PRR16: variants seen among roughly 807,000 people sequenced by gnomAD.
The protein encoded by PRR16 is protein Largen.
Under a neutral mutation model 18.2 loss-of-function variants are expected in PRR16, and 6 were observed. That is an observed-to-expected ratio of 0.33 (90% CI 0.18 to 0.65). PRR16 has a LOEUF of 0.65. PRR16 is among the 30% of genes least tolerant of loss of function. The probability of loss-of-function intolerance (pLI) is 0.74; values close to 1 mark genes in which losing one functional copy is unlikely to be tolerated. For synonymous variants in PRR16, 151 were observed against 147.8 expected (o/e 1.02, Z -0.16); for missense variants, 412 against 376.6 (o/e 1.09, Z -0.78).
downstream of PRR16, among the ~76,000 whole-genome samples, chr5:120,691,009 C>CTTATTGCTTATAATTTA (rs1757202853): frequency 6.6e-6 from 1 of 152,142 alleles, no homozygotes; most frequent in Non-Finnish European, 1.5e-5. Flanking sequence ...TTTATAACTT[C>CTTATTGCTTATAATTTA]TAGACTCATC....
Position 120,686,784 on chromosome 5 carries a change from T to G in PRR16, c.*75T>G. ...AAAATAAGTAATGAGCACTTTCTACTCAAGCAATAAAAAGCCCAAATATAT... is the reference window on the plus strand; with the variant it reads ...AAAATAAGTAATGAGCACTTTCTACGCAAGCAATAAAAAGCCCAAATATAT... On this transcript the variant is annotated 3_prime_UTR_variant, in exon 2 of 2. Transcript: ENST00000407149. The G allele has an allele frequency of 8.1e-7, 1 of 1,227,502 alleles. No homozygotes were observed. The highest frequency in any genetic ancestry group is 1.1e-6 in the Non-Finnish European group (1 of 941,196). 76.0% of individuals were successfully genotyped at this position (1,227,502 alleles called of 1,614,324 possible). A position where few individuals can be genotyped will look rare whatever the true frequency, so the allele number is the denominator to read the frequency against.
At chr5:120,678,828 A>G (rs1229440119) in intron 1 of PRR16, among the ~76,000 whole-genome samples, 1 of 152,082 alleles carries the variant, frequency 6.6e-6, no homozygotes, top group African/African-American at 2.4e-5. Context: ...TTCCACTCTA[A>G]TGACACCTCT....
At chr5:120,527,389 G>T (rs1751407531) in intron 1 of PRR16, among the ~76,000 whole-genome samples, 1 of 152,090 alleles carries the variant, frequency 6.6e-6, no homozygotes, top group African/African-American at 2.4e-5. Context: ...GCCATTCTTA[G>T]AGCTTATGGG....
At chr5:120,767,335 A>G in the PRR16 span, among the ~76,000 whole-genome samples, 1 of 151,922 alleles carries the variant, frequency 6.6e-6, no homozygotes, top group Admixed American at 6.6e-5. Flanking sequence ...ATGTTTTGTC[A>G]TGCCCAAATC....
intron 1 of PRR16, among the ~76,000 whole-genome samples, chr5:120,553,949 T>C (rs1006150735): frequency 6.6e-6 from 1 of 151,954 alleles, no homozygotes; most frequent in Non-Finnish European, 1.5e-5. Flanking sequence ...ACACCTTCTC[T>C]AATCATGCTG....
At position 120,686,168 on chromosome 5, in the gene PRR16, C is replaced by A. The variant is rs370722139; in HGVS notation, c.374C>A (p.Pro125His). ...CTGAGAAAGCCAAACCCTCCACCAC[C>A]TCCTCCAAGGTTGACACCTGTGAAG... ...TVLRKPNPPP[P>H]PPRLTPVKCE... The change falls in exon 2 of 2, where the codon CCT becomes CAT. Residue 125 changes from proline to histidine, a missense_variant. Transcript: ENST00000407149. 1.6e-4 allele frequency: 253 copies of A among 1,614,068 alleles called. No homozygotes were observed. Among genetic ancestry groups the A allele is most frequent in the Non-Finnish European group, 2.0e-4 (236 of 1,180,016 alleles).
chr5:120,793,270 T>A, the PRR16 span, among the ~76,000 whole-genome samples: 1 of 152,102 alleles, frequency 6.6e-6, no homozygotes, highest in Admixed American at 6.6e-5. Context: ...GGTTATGTGC[T>A]GAATGTATCC....
the PRR16 span, among the ~76,000 whole-genome samples, chr5:120,736,537 CTTTTTTT>C: frequency 4.4e-4 from 24 of 54,020 alleles, no homozygotes; most frequent in East Asian, 2.7e-3. Context: ...AGTGTAAAGG[CTTTTTTT>C]TTTTTTTTTT....
chr5:120,557,229 A>G (rs1752443057), intron 1 of PRR16, among the ~76,000 whole-genome samples: 1 of 151,842 alleles, frequency 6.6e-6, no homozygotes, highest in African/African-American at 2.4e-5. Flanking sequence ...GTATTGATAT[A>G]TTTTTCATAA....
the PRR16 span, among the ~76,000 whole-genome samples, chr5:120,721,035 C>G: frequency 1.3e-5 from 2 of 152,024 alleles, no homozygotes; most frequent in Non-Finnish European, 2.9e-5. Flanking sequence ...TGATGACCAT[C>G]ATCATATGGA....
At chr5:120,651,098 A>C (rs1407660666) in intron 1 of PRR16, among the ~76,000 whole-genome samples, 1 of 151,946 alleles carries the variant, frequency 6.6e-6, no homozygotes, top group Admixed American at 6.6e-5. Flanking sequence ...GCATTTTTTC[A>C]TGTGTCTTTT....
At chr5:120,766,802 G>A in the PRR16 span, among the ~76,000 whole-genome samples, 1 of 151,844 alleles carries the variant, frequency 6.6e-6, no homozygotes, top group African/African-American at 2.4e-5. Flanking sequence ...TCCCCAAATG[G>A]TGCCCCTTCT....
intron 1 of PRR16, among the ~76,000 whole-genome samples, chr5:120,650,347 C>CT (rs1328458926): frequency 6.7e-6 from 1 of 148,758 alleles, no homozygotes; most frequent in Non-Finnish European, 1.5e-5. Context: ...TTTTATTATA[C>CT]TTTAAGTTTT....
chr5:120,604,831 C>G (rs116247549), intron 1 of PRR16, among the ~76,000 whole-genome samples: 1 of 152,096 alleles, frequency 6.6e-6, no homozygotes, highest in African/African-American at 2.4e-5. Flanking sequence ...TGTTGGAATG[C>G]TTTTTGTTAA....
At chr5:120,525,857 G>T (rs929849649) in intron 1 of PRR16, among the ~76,000 whole-genome samples, 2 of 152,018 alleles carry the variant, frequency 1.3e-5, no homozygotes, top group East Asian at 3.9e-4. Flanking sequence ...TTTTAATGAG[G>T]CAACAAATTG....
intron 1 of PRR16, among the ~76,000 whole-genome samples, chr5:120,631,052 AAAG>A (rs760051603): frequency 1.3e-5 from 2 of 152,194 alleles, no homozygotes; most frequent in Non-Finnish European, 1.5e-5. Flanking sequence ...AACTCATCAT[AAAG>A]AAGCAGGTGA....
rs374836583 is a variant in PRR16, at chr5:120,679,144, A to T, written c.160-6810A>T. ...GGGATTGTCAAACACAACATCTGCC[A>T]TTATCCTTGTTTTAAAACTCTCTTT... On this transcript the variant is annotated intron_variant, in intron 1 of 1. Coordinates refer to ENST00000407149, the MANE Select transcript of PRR16 (RefSeq NM_001300783.2). 9.2e-5 allele frequency among the ~76,000 whole-genome samples: 14 copies of T among 152,254 alleles called. No individual in the cohort carries two copies. The East Asian group carries it at 2.5e-3, about 27-fold the overall frequency.
chr5:120,748,713 G>A, the PRR16 span, among the ~76,000 whole-genome samples: 1 of 152,010 alleles, frequency 6.6e-6, no homozygotes, highest in African/African-American at 2.4e-5. Context: ...AACATGTCAG[G>A]CAGATAGATA....
At chr5:120,755,208 AAAAT>A in the PRR16 span, among the ~76,000 whole-genome samples, 5 of 151,978 alleles carry the variant, frequency 3.3e-5, no homozygotes, top group Non-Finnish European at 5.9e-5. Context: ...AAATTTAAAA[AAAAT>A]CTAAAAAAAA....
Sources: allele counts gnomAD v4.1 joint callset (sites outside exome capture counted in the v4.1 genomes callset), GRCh38; gene constraint gnomAD v4.1.1; transcripts MANE v1.5; gene names NCBI Gene and HGNC (gene_info 2026-07-23, HGNC 2026-07-21).